FUT8: variants seen among roughly 807,000 people sequenced by gnomAD.
FUT8 encodes the protein alpha-(1,6)-fucosyltransferase.
A neutral mutation model predicts 71.3 loss-of-function variants in FUT8; 29 were observed. The observed-to-expected ratio is 0.41, with a 90% CI of 0.30 to 0.55. FUT8 has a LOEUF of 0.55. Among genes scored for constraint, FUT8 ranks in the 20% least tolerant of loss-of-function variants. The probability of loss-of-function intolerance (pLI) is 0.34; values close to 1 mark genes in which losing one functional copy is unlikely to be tolerated. For synonymous variants in FUT8, 254 were observed against 239.3 expected (o/e 1.06, Z -0.57); for missense variants, 544 against 702.1 (o/e 0.77, Z 2.55).
At chr14:65,427,965 G>A (rs1036061608) in intron 1 of FUT8, among the ~76,000 whole-genome samples, 1 of 152,034 alleles carries the variant, frequency 6.6e-6, no homozygotes, top group African/African-American at 2.4e-5. Context: ...CTTTCATTTA[G>A]CATGATTCTG....
rs11850847 is a variant in FUT8, at chr14:65,467,080, C to G, written c.-228+11362C>G. Among the ~76,000 whole-genome samples the G allele has an allele frequency of 0.098, 14,849 of 152,004 alleles. 920 individuals carry two copies. Among genetic ancestry groups the G allele is most frequent in the East Asian group, 0.34 (1,777 of 5,168 alleles). ...TTTTTTTCCTCTACACTCTTCCTTT[C>G]TTTTTGTAATCCATATTTCTGATCT... On this transcript the variant is annotated intron_variant, in intron 2 of 10. Coordinates refer to ENST00000673929, the MANE Select transcript of FUT8 (RefSeq NM_001371533.1). The surrounding 1 kb of genome is among the most constrained non-coding windows in gnomAD (Gnocchi z 4.1).
chr14:65,734,047 C>G (rs1283469753), intron 10 of FUT8, among the ~76,000 whole-genome samples: 1 of 152,086 alleles, frequency 6.6e-6, no homozygotes, highest in East Asian at 1.9e-4. Flanking sequence ...ATTCTGTTCT[C>G]TCGTTTATGC....
Position 65,561,679 on chromosome 14 carries a change from C to G in FUT8, c.116C>G (p.Ser39Cys). The change falls in exon 3 of 11, where the codon TCT becomes TGT. Residue 39 changes from serine (S) to cysteine (C), a missense_variant. Coordinates refer to ENST00000673929, the MANE Select transcript of FUT8 (RefSeq NM_001371533.1). Reference protein sequence around the residue: ...LVRDNDHPDHSSRELSKILAK... With the variant: ...LVRDNDHPDHCSRELSKILAK... ...CGAGATAATGACCATCCTGATCACT[C>G]TAGCCGAGAACTGTCCAAGATTCTG... 5.6e-6 allele frequency: 9 copies of G among 1,613,612 alleles called. No individual in the cohort carries two copies. Among genetic ancestry groups the G allele is most frequent in the Non-Finnish European group, 6.8e-6 (8 of 1,179,648 alleles).
chr14:65,664,587 G>C (rs1050552981), intron 6 of FUT8, among the ~76,000 whole-genome samples: 29 of 152,084 alleles, frequency 1.9e-4, no homozygotes, highest in African/African-American at 6.3e-4. Flanking sequence ...AGCTTGCTGT[G>C]ACACATTTGA....
chr14:65,461,829 G>C (rs568524602), intron 2 of FUT8, among the ~76,000 whole-genome samples: 1 of 152,244 alleles, frequency 6.6e-6, no homozygotes, highest in South Asian at 2.1e-4. Flanking sequence ...CTCCCTGACT[G>C]ACTAAAACCA....
intron 5 of FUT8, among the ~76,000 whole-genome samples, chr14:65,623,672 C>G (rs555175663): frequency 1.3e-5 from 2 of 152,066 alleles, no homozygotes; most frequent in African/African-American, 4.8e-5. Context: ...GAGCTGAGAT[C>G]GTGCCACTGC....
chr14:65,382,482 C>T, the FUT8 span, among the ~76,000 whole-genome samples: 95 of 152,220 alleles, frequency 6.2e-4, no homozygotes, highest in African/African-American at 2.1e-3. Context: ...ACTATAGGCA[C>T]ACACCACCAG....
intron 7 of FUT8, among the ~76,000 whole-genome samples, chr14:65,691,509 G>T (rs1179206511): frequency 6.9e-6 from 1 of 144,876 alleles, no homozygotes; most frequent in East Asian, 1.9e-4. Context: ...TTAGCCTGTT[G>T]ATTTGATGGA....
At chr14:65,662,205 C>T (rs1272912555) in intron 6 of FUT8, among the ~76,000 whole-genome samples, 4 of 152,010 alleles carry the variant, frequency 2.6e-5, no homozygotes, top group Non-Finnish European at 5.9e-5. Flanking sequence ...CTTAAGCTCA[C>T]AGGTTCGGAT....
intron 7 of FUT8, among the ~76,000 whole-genome samples, chr14:65,714,084 A>G (rs1364473576): frequency 6.6e-6 from 1 of 152,196 alleles, no homozygotes; most frequent in Admixed American, 6.5e-5. Context: ...ATTCCTGAGC[A>G]TATGGATATC....
At chr14:65,475,435 A>G (rs1353148227) in intron 2 of FUT8, among the ~76,000 whole-genome samples, 1 of 152,178 alleles carries the variant, frequency 6.6e-6, no homozygotes, top group Non-Finnish European at 1.5e-5. Context: ...CTTTGGAATT[A>G]GAAATCTTAG....
At position 65,721,986 on chromosome 14, in the gene FUT8, C is replaced by T. The variant is rs1344969351; in HGVS notation, c.1047C>T (p.Ala349=). 1.2e-6 allele frequency: 2 copies of T among 1,614,114 alleles called. No individual in the cohort carries two copies. Among genetic ancestry groups the T allele is most frequent in the Admixed American group, 1.7e-5 (1 of 60,028 alleles). ...GGCTAGAAAAAGAAATAGAAGAAGC[C>T]ACCAAGAAGCTTGGCTTCAAACATC... is the stretch of plus-strand genomic sequence containing the variant. ...QPWLEKEIEE[A]TKKLGFKHPV... The change falls in exon 8 of 11, where the codon GCC becomes GCT. Residue 349 remains alanine, a synonymous_variant. Transcript: ENST00000673929.
chr14:65,702,645 C>T (rs757668177), intron 7 of FUT8, among the ~76,000 whole-genome samples: 4 of 152,018 alleles, frequency 2.6e-5, no homozygotes, highest in Admixed American at 6.6e-5. Flanking sequence ...ATAGGAGTAT[C>T]GTAAAATGAT....
chr14:65,400,898 T>C, the FUT8 span, among the ~76,000 whole-genome samples: 7 of 152,254 alleles, frequency 4.6e-5, no homozygotes, highest in Non-Finnish European at 1.0e-4. Context: ...AAAAAAGGGC[T>C]GTCTTTCTTA....
At chr14:65,423,157 T>A (rs541401509) in intron 1 of FUT8, among the ~76,000 whole-genome samples, 31 of 151,826 alleles carry the variant, frequency 2.0e-4, no homozygotes, top group South Asian at 1.0e-3. Flanking sequence ...GGCTAATTTT[T>A]GTATTTTTTG....
At chr14:65,612,397 C>T (rs2092914) in intron 3 of FUT8, among the ~76,000 whole-genome samples, 93,918 of 151,940 alleles carry the variant, frequency 0.62, 29,396 homozygotes, top group East Asian at 0.74. Flanking sequence ...GTTTTCTAGT[C>T]TGGCTGATAG....
chr14:65,669,181 AAAG>A lies in FUT8; in HGVS notation c.598-60_598-58del. The A allele has an allele frequency of 8.0e-7, 1 of 1,252,512 alleles. No individual in the cohort carries two copies. 77.6% of individuals were successfully genotyped at this position (1,252,512 alleles called of 1,614,324 possible). Reference sequence around the variant, plus strand: ...CTGAAGATGAAAGATTAAAAAAAAAAAAGAGCAGTTGACCTCTCTGTACAACTT... The same window carrying A: ...CTGAAGATGAAAGATTAAAAAAAAAAAGCAGTTGACCTCTCTGTACAACTT... On this transcript the variant is annotated intron_variant, in intron 6 of 10. Transcript: ENST00000673929. This position sits in a 1 kb window ranked among gnomAD's most constrained non-coding sequence, Gnocchi z 4.5.
At position 65,459,606 on chromosome 14, in the gene FUT8, A is replaced by G. The variant is rs559488891; in HGVS notation, c.-228+3888A>G. Among the ~76,000 whole-genome samples, 15 of 152,276 alleles carry G rather than the reference A, an allele frequency of 9.9e-5. No homozygotes were observed. The South Asian group carries it at 3.1e-3, about 32-fold the overall frequency. On this transcript the variant is annotated intron_variant, in intron 2 of 10. Coordinates refer to ENST00000673929, the MANE Select transcript of FUT8 (RefSeq NM_001371533.1). Reference sequence around the variant, plus strand: ...ATCCCAGGATAAAGAGAGAGAGAGAATGATGAGTAAAATGAACCCTACACT... The same window carrying G: ...ATCCCAGGATAAAGAGAGAGAGAGAGTGATGAGTAAAATGAACCCTACACT...
intron 2 of FUT8, among the ~76,000 whole-genome samples, chr14:65,477,752 T>C (rs2066268028): frequency 6.6e-6 from 1 of 152,208 alleles, no homozygotes; most frequent in Admixed American, 6.5e-5. Flanking sequence ...AGAGAACTTT[T>C]CTCATATCTT....
Sources: allele counts gnomAD v4.1 joint callset (sites outside exome capture counted in the v4.1 genomes callset), GRCh38; gene constraint gnomAD v4.1.1; non-coding constraint Gnocchi (gnomAD v3.1); transcripts MANE v1.5; gene names NCBI Gene and HGNC (gene_info 2026-07-23, HGNC 2026-07-21).